The following VEPH1 variants were observed in gnomAD, a reference collection of about 807,000 sequenced individuals.
The protein encoded by VEPH1 is ventricular zone expressed PH domain containing 1, also known as ventricular zone-expressed PH domain-containing protein homolog 1.
In VEPH1, 80 loss-of-function variants were observed where a neutral mutation model predicts 85.2. The observed-to-expected ratio is 0.94, with a 90% confidence interval of 0.78 to 1.13. The LOEUF is 1.13. VEPH1 is among the 50% of genes most tolerant of loss of function. The probability of loss-of-function intolerance (pLI) is 0.00; values close to 1 mark genes in which losing one functional copy is unlikely to be tolerated. For synonymous variants in VEPH1, 297 were observed against 348.0 expected, an observed-to-expected ratio of 0.85 and a Z score of 1.63; for missense variants, 955 against 980.5, an observed-to-expected ratio of 0.97 and a Z score of 0.35.
chr3:157,401,601 A>C (rs1012391726), intron 6 of VEPH1, among the ~76,000 whole-genome samples: 8 of 152,186 alleles, frequency 5.3e-5, no homozygotes, highest in African/African-American at 1.7e-4. Flanking sequence ...TGCATTTTGC[A>C]AAAGTGTAAA....
intron 3 of VEPH1, among the ~76,000 whole-genome samples, chr3:157,465,295 G>A (rs1736260134): frequency 6.6e-6 from 1 of 152,166 alleles, no homozygotes; most frequent in Non-Finnish European, 1.5e-5. Flanking sequence ...AGGAGAGACA[G>A]GATATTTAAA....
intron 12 of VEPH1, among the ~76,000 whole-genome samples, chr3:157,271,620 A>G (rs992641222): frequency 1.4e-4 from 21 of 152,288 alleles, no homozygotes; most frequent in Admixed American, 2.6e-4. Context: ...GGAGGCAGCC[A>G]GCAAATCAAT....
chr3:157,463,508 T>A (rs2109391751), intron 3 of VEPH1, among the ~76,000 whole-genome samples: 1 of 152,266 alleles, frequency 6.6e-6, no homozygotes, highest in South Asian at 2.1e-4. Context: ...CTAGATTGTC[T>A]CCCCTCCCAG....
chr3:157,409,525 T>A (rs890559520), intron 6 of VEPH1: 2 of 760,232 alleles, frequency 2.6e-6, no homozygotes, highest in Non-Finnish European at 3.2e-6. Flanking sequence ...TTTATTTAAG[T>A]TTGGGCAAAA....
chr3:157,432,293 T>A (rs4680363), intron 4 of VEPH1, among the ~76,000 whole-genome samples: 64,183 of 151,992 alleles, frequency 0.42, 14,299 homozygotes, highest in Admixed American at 0.56. Flanking sequence ...AATTTTTGAT[T>A]TATTGATTTA....
chr3:157,382,299 G>A (rs1289726325), intron 6 of VEPH1, among the ~76,000 whole-genome samples: 1 of 152,166 alleles, frequency 6.6e-6, no homozygotes, highest in Non-Finnish European at 1.5e-5. Flanking sequence ...TATGAATAAT[G>A]TAGGCATGAG....
chr3:157,281,987 C>T (rs1559921745), intron 12 of VEPH1, among the ~76,000 whole-genome samples: 1 of 152,060 alleles, frequency 6.6e-6, no homozygotes, highest in Non-Finnish European at 1.5e-5. Flanking sequence ...TTCACATTGG[C>T]ATCTAGAGTG....
At position 157,439,936 on chromosome 3, in the gene VEPH1, G is replaced by C. The variant is rs147574192; in HGVS notation, c.530-11448C>G. Among the ~76,000 whole-genome samples the C allele has an allele frequency of 2.5e-3, 381 of 152,178 alleles. 1 individual carries two copies. The highest frequency in any genetic ancestry group is 8.7e-3 in the African/African-American group (361 of 41,510). On this transcript the variant is annotated intron_variant, in intron 4 of 13. Transcript: ENST00000362010. The stretch of plus-strand genomic sequence containing the variant: ...CAGCTAATTTTTTGCATTTTTAGTA[G>C]AGACGGGGTTTCACCGTGTTAGCCA...
intron 9 of VEPH1, among the ~76,000 whole-genome samples, chr3:157,356,606 C>T (rs1253100159): frequency 6.6e-6 from 1 of 152,160 alleles, no homozygotes; most frequent in African/African-American, 2.4e-5. Context: ...TATCAAAACC[C>T]TTCACCCAGC....
In VEPH1 at chr3:157,301,472, T is replaced by C. The variant is rs141413614; in HGVS notation, c.2010+12149A>G. ...CTGAAGGCTTCCATTTTCACTCATC[T>C]CTACAATCCCCCCACTTACCAACCC... On this transcript the variant is annotated intron_variant, in intron 11 of 13. Coordinates refer to ENST00000362010, the MANE Select transcript of VEPH1 (RefSeq NM_001167912.2). 4.5e-4 allele frequency among the ~76,000 whole-genome samples: 69 copies of C among 152,330 alleles called. 2 individuals carry two copies. In the East Asian group the frequency reaches 0.013, roughly 28 times the overall value.
chr3:157,300,090 C>T (rs1207395607), intron 11 of VEPH1, among the ~76,000 whole-genome samples: 1 of 152,156 alleles, frequency 6.6e-6, no homozygotes, highest in African/African-American at 2.4e-5. Flanking sequence ...TTTCTAGTTA[C>T]CACACTTTCT....
intron 12 of VEPH1, 76 bp from the exon 13 acceptor site, chr3:157,265,738 T>C: frequency 1.3e-6 from 2 of 1,511,928 alleles, no homozygotes; most frequent in Non-Finnish European, 1.8e-6. Flanking sequence ...GTCAGAACTG[T>C]ACAGTGTACC....
intron 2 of VEPH1, among the ~76,000 whole-genome samples, chr3:157,473,560 T>C (rs1039913188): frequency 1.3e-5 from 2 of 152,160 alleles, no homozygotes; most frequent in African/African-American, 4.8e-5. Context: ...CACATAAAAG[T>C]GATTAGAACA....
chr3:157,342,561 C>T lies in VEPH1; in HGVS notation c.1735+20803G>A, dbSNP rs149127953. Among the ~76,000 whole-genome samples, 16 of 152,244 alleles carry T rather than the reference C, an allele frequency of 1.1e-4. No individual in the cohort carries two copies. In the East Asian group the frequency reaches 2.9e-3, roughly 28 times the overall value. ...AGTGACCTACAAATAGACTTAGACT[C>T]CCACACAATAATAATGGGACACTTT... On this transcript the variant is annotated intron_variant, in intron 9 of 13. Coordinates refer to ENST00000362010, the MANE Select transcript of VEPH1 (RefSeq NM_001167912.2).
chr3:157,341,265 T>G (rs1218029588), intron 9 of VEPH1, among the ~76,000 whole-genome samples: 1 of 152,104 alleles, frequency 6.6e-6, no homozygotes, highest in Admixed American at 6.5e-5. Context: ...GCAAAGAAGC[T>G]AAAAACCTTG....
intron 6 of VEPH1, among the ~76,000 whole-genome samples, chr3:157,387,073 G>A (rs1729383203): frequency 6.6e-6 from 1 of 152,188 alleles, no homozygotes; most frequent in Non-Finnish European, 1.5e-5. Flanking sequence ...TGGGAAAAGA[G>A]CTAAAAGCAA....
At chr3:157,387,453 A>G (rs1467221578) in intron 6 of VEPH1, among the ~76,000 whole-genome samples, 1 of 152,230 alleles carries the variant, frequency 6.6e-6, no homozygotes, top group Admixed American at 6.5e-5. Flanking sequence ...TAACTTCACT[A>G]AAGTTGCACA....
chr3:157,445,000 A>G (rs74842270), intron 4 of VEPH1, among the ~76,000 whole-genome samples: 272 of 152,296 alleles, frequency 1.8e-3, no homozygotes, highest in African/African-American at 6.2e-3. Flanking sequence ...AGTAAATTCT[A>G]TATTTTTCAA....
chr3:157,278,131 C>T (rs1358379932), intron 12 of VEPH1, among the ~76,000 whole-genome samples: 1 of 152,116 alleles, frequency 6.6e-6, no homozygotes, highest in Non-Finnish European at 1.5e-5. Context: ...CTAAAAGTCA[C>T]ACATAAAAGA....
Sources: allele counts gnomAD v4.1 joint callset (sites outside exome capture counted in the v4.1 genomes callset), GRCh38; gene constraint gnomAD v4.1.1; transcripts MANE v1.5; gene names NCBI Gene and HGNC (gene_info 2026-07-23, HGNC 2026-07-21).